HECTD4: variants seen among roughly 807,000 people sequenced by gnomAD.
The protein encoded by HECTD4 is HECT domain E3 ubiquitin protein ligase 4, also known as probable E3 ubiquitin-protein ligase HECTD4.
In HECTD4, 114 loss-of-function variants were observed where a neutral mutation model predicts 471.5. The observed-to-expected ratio is 0.24, with a 90% CI of 0.21 to 0.28. The LOEUF is 0.28. Ranked by LOEUF, HECTD4 falls within the 10% of genes least tolerant of loss-of-function variation. The pLI is 1.00. For missense variants in HECTD4, 3,866 were observed against 5,651.5 expected (o/e 0.68, Z 10.13); for synonymous variants, 2,012 against 2,256.0 (o/e 0.89, Z 3.07).
At chr12:112,361,613 T>C (rs1040443119) in intron 1 of HECTD4, among the ~76,000 whole-genome samples, 2 of 151,990 alleles carry the variant, frequency 1.3e-5, no homozygotes, top group Admixed American at 6.6e-5. Flanking sequence ...AACCAAGAAA[T>C]TGAAATTCTG....
At chr12:112,370,523 C>T (rs2036645893) in intron 1 of HECTD4, among the ~76,000 whole-genome samples, 1 of 151,884 alleles carries the variant, frequency 6.6e-6, no homozygotes, top group Non-Finnish European at 1.5e-5. Context: ...AAAACATATC[C>T]TTGAGTTTAA....
chr12:112,195,005 T>C lies in HECTD4; in HGVS notation c.8629A>G (p.Ile2877Val), dbSNP rs1388520462. 3 of 1,611,052 alleles carry C rather than the reference T, an allele frequency of 1.9e-6. No individual in the cohort carries two copies. The highest frequency in any genetic ancestry group is 2.5e-6 in the Non-Finnish European group (3 of 1,178,838). ...RLYCRMALLN[I>V]FAPKLPHLFT... ...AAGTGAGGCAACTTCGGGGCGAAGA[T>C]ATTGAGCAGGGCCATGCGGCAGTAC... The change falls in exon 56 of 76, where the codon ATC becomes GTC. Residue 2877 changes from isoleucine to valine, a missense_variant. This residue lies in a region of HECTD4 where 266 missense variants were observed against 441.6 expected (regional missense o/e 0.60). Transcript: ENST00000682272.
chr12:112,350,566 GC>G (rs1323134865), intron 1 of HECTD4, among the ~76,000 whole-genome samples: 2 of 152,044 alleles, frequency 1.3e-5, no homozygotes, highest in African/African-American at 4.8e-5. Context: ...AGTCAAACAG[GC>G]CCTCCCCAAT....
chr12:112,205,076 T>C (rs1383181388), intron 52 of HECTD4, among the ~76,000 whole-genome samples: 4 of 139,364 alleles, frequency 2.9e-5, no homozygotes, highest in African/African-American at 1.1e-4. Context: ...GAGGTTGCAG[T>C]GAGCCAAGCT....
intron 1 of HECTD4, among the ~76,000 whole-genome samples, chr12:112,333,472 T>C (rs909289039): frequency 6.6e-6 from 1 of 152,354 alleles, no homozygotes; most frequent in South Asian, 2.1e-4. Flanking sequence ...TCACATCTTT[T>C]AATGGGCTTA....
rs2030786501 is a variant in HECTD4, at chr12:112,163,479, G to A, written c.12897+63C>T. 1 of 1,368,456 alleles carries A rather than the reference G, an allele frequency of 7.3e-7. No individual in the cohort carries two copies. The highest frequency in any genetic ancestry group is 1.5e-5 in the South Asian group (1 of 66,078). 84.8% of individuals were successfully genotyped at this position (1,368,456 alleles called of 1,614,324 possible). On this transcript the variant is annotated intron_variant, in intron 74 of 75. Transcript: ENST00000682272. The surrounding 1 kb of genome is among the most constrained non-coding windows in gnomAD (Gnocchi z 8.2). Reference sequence around the variant, plus strand: ...CCGATGCCTGCTGCTGGAGTTGAGGGTGACAGGGAGGCACGCCTGGGGCTC... The same window carrying A: ...CCGATGCCTGCTGCTGGAGTTGAGGATGACAGGGAGGCACGCCTGGGGCTC...
rs376779694 is a variant in HECTD4, at chr12:112,294,560, C to T, written c.1336-11258G>A. Among the ~76,000 whole-genome samples the T allele has an allele frequency of 1.4e-4, 22 of 152,264 alleles. No individual in the cohort carries two copies. The South Asian group carries it at 2.5e-3, about 17-fold the overall frequency. ...CACAGTCCATTCCATCATCCCCCTC[C>T]GATTTCTCTCCTGTTTTCACATCAA... On this transcript the variant is annotated intron_variant, in intron 7 of 75. Transcript: ENST00000682272.
intron 1 of HECTD4, among the ~76,000 whole-genome samples, chr12:112,337,006 G>T (rs541806296): frequency 6.6e-6 from 1 of 152,266 alleles, no homozygotes; most frequent in Admixed American, 6.5e-5. Flanking sequence ...TGACACACAA[G>T]AATTTTTTCT....
At chr12:112,340,525 T>C (rs1020971308) in intron 1 of HECTD4, among the ~76,000 whole-genome samples, 2 of 152,176 alleles carry the variant, frequency 1.3e-5, no homozygotes, top group Non-Finnish European at 2.9e-5. Flanking sequence ...TTGTCGCAAG[T>C]ATAGACGAGC....
At chr12:112,344,730 C>G (rs2036115256) in intron 1 of HECTD4, among the ~76,000 whole-genome samples, 1 of 152,010 alleles carries the variant, frequency 6.6e-6, no homozygotes, top group Non-Finnish European at 1.5e-5. Flanking sequence ...ACCAGCCTGA[C>G]CAACATGGTG....
At chr12:112,318,532 C>T (rs906556888) in intron 2 of HECTD4, among the ~76,000 whole-genome samples, 3 of 152,040 alleles carry the variant, frequency 2.0e-5, no homozygotes, top group Non-Finnish European at 4.4e-5. Flanking sequence ...CACCACAACG[C>T]CCGGCTAATT....
chr12:112,356,479 C>T (rs191825800), intron 1 of HECTD4, among the ~76,000 whole-genome samples: 114 of 152,194 alleles, frequency 7.5e-4, no homozygotes, highest in Non-Finnish European at 8.4e-4. Flanking sequence ...TGGGCTGTCA[C>T]CCAGGGTGGA....
At chr12:112,221,717 C>T (rs1373964428) in intron 44 of HECTD4, among the ~76,000 whole-genome samples, 2 of 151,630 alleles carry the variant, frequency 1.3e-5, no homozygotes, top group African/African-American at 2.4e-5. Context: ...AGCCCAGAGG[C>T]AACATAGGGA....
At position 112,212,589 on chromosome 12, in the gene HECTD4, T is replaced by C. The variant is rs1270133492; in HGVS notation, c.7527A>G (p.Pro2509=). ...TEGTPPPPGQ[P]AKGRVYFTYC... Reference sequence around the variant, plus strand: ...ATGTGAAGTACACCCGGCCCTTGGCTGGCTGTCCCGGAGGAGGTGGAGTCC... The same window carrying C: ...ATGTGAAGTACACCCGGCCCTTGGCCGGCTGTCCCGGAGGAGGTGGAGTCC... The change falls in exon 49 of 76, where the codon CCA becomes CCG. Residue 2509 remains proline (P), a synonymous_variant. Transcript: ENST00000682272. 1.2e-6 allele frequency: 2 copies of C among 1,613,900 alleles called. No homozygotes were observed. Among genetic ancestry groups the C allele is most frequent in the East Asian group, 4.5e-5 (2 of 44,888 alleles).
Position 112,279,254 on chromosome 12 carries a change from C to T in HECTD4, c.1661G>A (p.Gly554Glu). 3.1e-6 allele frequency: 5 copies of T among 1,608,718 alleles called. No individual in the cohort carries two copies. Among genetic ancestry groups the T allele is most frequent in the Non-Finnish European group, 4.2e-6 (5 of 1,178,836 alleles). ...GSSATRSLFG[G>E]TSGLSSLKIL... Reference sequence around the variant, plus strand: ...TTTTAAAGATGACAAACCACTTGTTCCACCAAAAAGAGATCGGGTGGCAGA... The same window carrying T: ...TTTTAAAGATGACAAACCACTTGTTTCACCAAAAAGAGATCGGGTGGCAGA... Residue 554 changes from glycine to glutamate, a missense_variant, in exon 9 of 76, where the codon GGA (glycine) becomes GAA (glutamate). Physicochemically the swap from Gly to Glu is moderately conservative, Grantham distance 98 (BLOSUM62 -2). Transcript: ENST00000682272.
rs374251908 is a variant in HECTD4, at chr12:112,283,231, A to G, written c.1407T>C (p.Ser469=). The change falls in exon 8 of 76, where the codon TCT becomes TCC. Residue 469 remains serine, a synonymous_variant. Transcript: ENST00000682272. The part of the protein sequence containing the change: ...RTILMRKEGE[S]AKSINEMLLS... ...GAAGCATCTCATTAATGCTTTTGGCAGATTCGCCCTCTTTTCTCATTAGAA... is the reference window on the plus strand; with the variant it reads ...GAAGCATCTCATTAATGCTTTTGGCGGATTCGCCCTCTTTTCTCATTAGAA... The G allele has an allele frequency of 2.0e-5, 33 of 1,613,836 alleles. 1 individual carries two copies. The African/African-American group carries it at 3.9e-4, about 19-fold the overall frequency.
At chr12:112,248,001 C>T (rs1593973748) in intron 27 of HECTD4, 66 bp downstream of exon 27, 8 of 1,123,706 alleles carry the variant, frequency 7.1e-6, no homozygotes, top group African/African-American at 3.1e-5. Context: ...CACACACACA[C>T]ACACAGTATA....
intron 38 of HECTD4, among the ~76,000 whole-genome samples, chr12:112,232,542 T>C (rs1393912546): frequency 6.6e-6 from 1 of 152,244 alleles, no homozygotes; most frequent in African/African-American, 2.4e-5. Flanking sequence ...TACTAATCTT[T>C]CTTGACTTGT....
At chr12:112,288,086 T>C (rs2034794645) in intron 7 of HECTD4, among the ~76,000 whole-genome samples, 2 of 151,988 alleles carry the variant, frequency 1.3e-5, no homozygotes, top group African/African-American at 4.8e-5. Context: ...CCCAGCACTT[T>C]GGGAGGCTGA....
Sources: gnomAD v4.1 joint callset for allele counts (sites outside exome capture counted in the v4.1 genomes callset) on GRCh38, gnomAD v4.1.1 for gene constraint, gnomAD v4.1.1 regional missense constraint, Gnocchi (gnomAD v3.1) non-coding constraint, MANE v1.5 for transcripts, NCBI Gene and HGNC (gene_info 2026-07-23, HGNC 2026-07-21) for gene names.